Variants in GIPC2 observed in about 807,000 individuals in gnomAD.
GIPC2 encodes GIPC PDZ domain containing family member 2.
GIPC2 carries 30 observed loss-of-function variants against 30.6 expected under a neutral mutation model. That is an observed-to-expected ratio of 0.98 (90% confidence interval 0.73 to 1.33). GIPC2 has a LOEUF of 1.33. Among genes scored for constraint, GIPC2 ranks in the 40% most tolerant of loss-of-function variants. The probability of loss-of-function intolerance (pLI) is 0.00; values close to 1 mark genes in which losing one functional copy is unlikely to be tolerated. For synonymous variants in GIPC2, 167 were observed against 150.0 expected, an observed-to-expected ratio of 1.11 and a Z score of -0.83; for missense variants, 414 against 390.3, an observed-to-expected ratio of 1.06 and a Z score of -0.51.
At chr1:78,082,436 G>GA (rs1230939232) in intron 2 of GIPC2, among the ~76,000 whole-genome samples, 2 of 152,164 alleles carry the variant, frequency 1.3e-5, no homozygotes, top group Non-Finnish European at 2.9e-5. Flanking sequence ...TTTTAGCTCT[G>GA]CAAAAGATAT....
rs1439812460 is a variant in GIPC2, at chr1:78,126,173, TTTAG to T, written c.796+218_796+221del. On this transcript the variant is annotated intron_variant, in intron 5 of 5. Coordinates refer to ENST00000370759, the MANE Select transcript of GIPC2 (RefSeq NM_017655.6). ...TAGTGCCAAGTAAACTTTAAAACATTTTAGTTAGTTCTTAGTCATTAAACTGTGA... is the reference window on the plus strand; with the variant it reads ...TAGTGCCAAGTAAACTTTAAAACATTTTAGTTCTTAGTCATTAAACTGTGA... 1.5e-4 allele frequency among the ~76,000 whole-genome samples: 23 copies of T among 152,360 alleles called. No individual in the cohort carries two copies. In the East Asian group the frequency reaches 3.9e-3, roughly 26 times the overall value.
intron 3 of GIPC2, among the ~76,000 whole-genome samples, chr1:78,106,927 C>T (rs7540887): frequency 0.19 from 28,989 of 152,110 alleles, 3,453 homozygotes; most frequent in East Asian, 0.61. Context: ...CCACCTGCCT[C>T]GGCCTCCCAA....
intron 2 of GIPC2, among the ~76,000 whole-genome samples, chr1:78,094,617 A>G (rs1662102653): frequency 6.6e-6 from 1 of 152,194 alleles, no homozygotes; most frequent in Non-Finnish European, 1.5e-5. Flanking sequence ...AAAGCTTCCC[A>G]GAGGAGGTGG....
intron 4 of GIPC2, among the ~76,000 whole-genome samples, chr1:78,122,801 T>C (rs1662708614): frequency 6.6e-6 from 1 of 152,188 alleles, no homozygotes. Context: ...GTCTAAGTGC[T>C]GGTGATACAA....
intron 4 of GIPC2, among the ~76,000 whole-genome samples, chr1:78,119,849 C>T (rs1159580328): frequency 6.6e-6 from 1 of 152,198 alleles, no homozygotes; most frequent in African/African-American, 2.4e-5. Context: ...TTCGTAAACT[C>T]CTCTTCTCAC....
At chr1:78,086,762 CT>C (rs531294603) in intron 2 of GIPC2, among the ~76,000 whole-genome samples, 2 of 151,852 alleles carry the variant, frequency 1.3e-5, no homozygotes, top group Admixed American at 1.3e-4. Flanking sequence ...GCAGCCCCTG[CT>C]TTTTTTTGTT....
In GIPC2 at chr1:78,121,305, AT is replaced by A. The variant is rs563431835; in HGVS notation, c.714+1807del. The stretch of plus-strand genomic sequence containing the variant: ...AGATGGGATGTCGAGCAGGTGACTG[AT>A]GCCTGTGAGCTCGGGGGGGCAGGGG... On this transcript the variant is annotated intron_variant, in intron 4 of 5. Coordinates refer to ENST00000370759, the MANE Select transcript of GIPC2 (RefSeq NM_017655.6). Among the ~76,000 whole-genome samples, 9 of 152,272 alleles carry A rather than the reference AT, an allele frequency of 5.9e-5. No individual in the cohort carries two copies. In the East Asian group the frequency reaches 1.7e-3, roughly 29 times the overall value.
Position 78,125,294 on chromosome 1 carries a change from C to T in GIPC2, c.715-587C>T, listed in dbSNP as rs113114988. 3.0e-3 allele frequency among the ~76,000 whole-genome samples: 462 copies of T among 152,306 alleles called. 1 individual carries two copies. Among genetic ancestry groups the T allele is most frequent in the African/African-American group, 0.011 (448 of 41,554 alleles). On this transcript the variant is annotated intron_variant, in intron 4 of 5. Coordinates refer to ENST00000370759, the MANE Select transcript of GIPC2 (RefSeq NM_017655.6). ...GGTTCAAGTGATCCTCCTGTTTCAG[C>T]CTCCCAAGTGTCTGGGATTACAAGC...
chr1:78,124,575 T>C (rs1383022081), intron 4 of GIPC2, among the ~76,000 whole-genome samples: 1 of 152,228 alleles, frequency 6.6e-6, no homozygotes, highest in Non-Finnish European at 1.5e-5. Flanking sequence ...TCTAGTCATA[T>C]TTGTCACTGT....
At chr1:78,060,809 A>ATG (rs886274599) in intron 1 of GIPC2, among the ~76,000 whole-genome samples, 6 of 151,918 alleles carry the variant, frequency 3.9e-5, no homozygotes, top group South Asian at 2.1e-4. Context: ...TACTCTATAA[A>ATG]TGTGTGTGTG....
At chr1:78,079,144 C>T (rs1557534926) in intron 1 of GIPC2, among the ~76,000 whole-genome samples, 2 of 152,048 alleles carry the variant, frequency 1.3e-5, no homozygotes, top group Admixed American at 6.5e-5. Flanking sequence ...TTGCCCTTGC[C>T]GGGAACATAA....
chr1:78,100,257 C>A (rs1008901814), intron 3 of GIPC2, among the ~76,000 whole-genome samples: 106 of 152,230 alleles, frequency 7.0e-4, no homozygotes, highest in Non-Finnish European at 2.6e-4. Context: ...CTCTTCCCAA[C>A]TCCTCCTTCA....
intron 1 of GIPC2, among the ~76,000 whole-genome samples, chr1:78,078,838 GAA>G (rs570693127): frequency 5.9e-4 from 63 of 106,874 alleles, no homozygotes; most frequent in Middle Eastern, 5.1e-3. Context: ...AGATTCACCG[GAA>G]AAAAAAAAAA....
intron 3 of GIPC2, among the ~76,000 whole-genome samples, chr1:78,106,745 A>G (rs1220131659): frequency 6.6e-6 from 1 of 152,100 alleles, no homozygotes; most frequent in Non-Finnish European, 1.5e-5. Context: ...TGATGGTGCT[A>G]TCTCGGCTCT....
intron 2 of GIPC2, among the ~76,000 whole-genome samples, chr1:78,082,829 C>A (rs1049020747): frequency 1.3e-5 from 2 of 152,104 alleles, no homozygotes; most frequent in Non-Finnish European, 2.9e-5. Context: ...AGGATAATTT[C>A]AAACTTACAT....
At chr1:78,119,118 T>C (rs1365566835) in intron 3 of GIPC2, among the ~76,000 whole-genome samples, 1 of 152,180 alleles carries the variant, frequency 6.6e-6, no homozygotes, top group Admixed American at 6.5e-5. Context: ...GAGCCTACTG[T>C]TTTTTCTTCC....
At chr1:78,101,183 GA>G (rs1486121318) in intron 3 of GIPC2, among the ~76,000 whole-genome samples, 1 of 152,146 alleles carries the variant, frequency 6.6e-6, no homozygotes, top group African/African-American at 2.4e-5. Context: ...GGAATGGCCA[GA>G]CATGGAGGAC....
At position 78,138,082 on chromosome 1, in the gene GIPC2, A is replaced by G. The variant is rs1165124351; in HGVS notation, c.*2339A>G. 1 of 151,810 alleles carries G rather than the reference A, an allele frequency of 6.6e-6. No homozygotes were observed. The highest frequency in any genetic ancestry group is 1.9e-4 in the East Asian group (1 of 5,196). The allele number at this position is 151,810 out of a possible 1,614,324, so 9.4% of individuals were successfully genotyped here. A position where few individuals can be genotyped will look rare whatever the true frequency, so the allele number is the denominator to read the frequency against. On this transcript the variant is annotated 3_prime_UTR_variant, in exon 6 of 6. Coordinates refer to ENST00000370759, the MANE Select transcript of GIPC2 (RefSeq NM_017655.6). ...TGAAAACAGCATCTTCCTTCTTGCA[A>G]TGGCCACTAATAGCACACAATGCGT...
chr1:78,106,996 G>A (rs1297442400), intron 3 of GIPC2, among the ~76,000 whole-genome samples: 1 of 151,938 alleles, frequency 6.6e-6, no homozygotes, highest in East Asian at 1.9e-4. Flanking sequence ...GTTTATGGAC[G>A]GCTTTTCTTT....
Sources: gnomAD v4.1 joint callset for allele counts (sites outside exome capture counted in the v4.1 genomes callset) on GRCh38, gnomAD v4.1.1 for gene constraint, MANE v1.5 for transcripts, NCBI Gene and HGNC (gene_info 2026-07-23, HGNC 2026-07-21) for gene names.